The following KCNIP4 variants were observed in gnomAD, a reference collection of about 807,000 sequenced individuals.
KCNIP4 encodes potassium voltage-gated channel interacting protein 4.
In KCNIP4, 12 loss-of-function variants were observed where a neutral mutation model predicts 34.0. That is an observed-to-expected ratio of 0.35 (90% confidence interval 0.23 to 0.57). KCNIP4 has a LOEUF of 0.57. Ranked by LOEUF, KCNIP4 falls within the 20% of genes least tolerant of loss-of-function variation. The pLI is 0.83. For missense variants in KCNIP4, 238 were observed against 311.7 expected (o/e 0.76, Z 1.78); for synonymous variants, 124 against 102.2 (o/e 1.21, Z -1.29).
chr4:21,740,409 C>T (rs1187786320), intron 1 of KCNIP4, among the ~76,000 whole-genome samples: 5 of 151,954 alleles, frequency 3.3e-5, no homozygotes, highest in Admixed American at 2.6e-4. Context: ...CTGTCATCCT[C>T]CCTCCATTTT....
At chr4:20,749,640 A>G in intron 5 of KCNIP4, 22 bp downstream of exon 5, 1 of 1,524,028 alleles carries the variant, frequency 6.6e-7, no homozygotes, top group Non-Finnish European at 9.1e-7. Context: ...GTCAAATGAT[A>G]TGAAAATAAT....
chr4:21,139,191 C>T (rs6448026), intron 1 of KCNIP4, among the ~76,000 whole-genome samples: 82,927 of 152,018 alleles, frequency 0.55, 23,535 homozygotes, highest in African/African-American at 0.7. Flanking sequence ...GAGCAAAAAT[C>T]AGGAAAGTGA....
chr4:21,093,056 T>C (rs960182093), intron 1 of KCNIP4, among the ~76,000 whole-genome samples: 1 of 152,224 alleles, frequency 6.6e-6, no homozygotes, highest in Non-Finnish European at 1.5e-5. Context: ...AAAGACTATA[T>C]GTACATTCTC....
intron 1 of KCNIP4, among the ~76,000 whole-genome samples, chr4:21,433,245 G>A (rs1388203232): frequency 6.6e-6 from 1 of 152,158 alleles, no homozygotes; most frequent in East Asian, 1.9e-4. Context: ...TTATGATTTA[G>A]TGATCAGCCA....
chr4:21,502,164 T>C (rs939686799), intron 1 of KCNIP4, among the ~76,000 whole-genome samples: 1 of 152,088 alleles, frequency 6.6e-6, no homozygotes, highest in Admixed American at 6.6e-5. Flanking sequence ...ATAAAAATTG[T>C]AATATCTTAG....
chr4:20,944,833 T>A (rs1732028081), intron 1 of KCNIP4, among the ~76,000 whole-genome samples: 1 of 150,058 alleles, frequency 6.7e-6, no homozygotes. Flanking sequence ...GCCACCTACA[T>A]CTGGCAAATT....
At position 21,413,307 on chromosome 4, in the gene KCNIP4, C is replaced by T. The variant is rs183645504; in HGVS notation, c.62-530598G>A. Among the ~76,000 whole-genome samples, 21 of 152,232 alleles carry T rather than the reference C, an allele frequency of 1.4e-4. No individual in the cohort carries two copies. In the East Asian group the frequency reaches 2.1e-3, roughly 15 times the overall value. On this transcript the variant is annotated intron_variant, in intron 1 of 8. Coordinates refer to ENST00000382152, the MANE Select transcript of KCNIP4 (RefSeq NM_025221.6). Reference sequence around the variant, plus strand: ...AAAAGGCCAGACTCAGGAAATTCATCGAGAAATGGCCATGGAACTTTGATC... The same window carrying T: ...AAAAGGCCAGACTCAGGAAATTCATTGAGAAATGGCCATGGAACTTTGATC...
Position 21,082,692 on chromosome 4 carries a change from T to C in KCNIP4, c.62-199983A>G, listed in dbSNP as rs1220784308. 2.0e-5 allele frequency among the ~76,000 whole-genome samples: 3 copies of C among 151,740 alleles called. No homozygotes were observed. In the East Asian group the frequency reaches 5.8e-4, roughly 29 times the overall value. On this transcript the variant is annotated intron_variant, in intron 1 of 8. Coordinates refer to ENST00000382152, the MANE Select transcript of KCNIP4 (RefSeq NM_025221.6). ...ATATCAGAAATGATGAGAAATGAGA[T>C]AAGCCAGTAGGACTAATTCAACTAG...
intron 1 of KCNIP4, among the ~76,000 whole-genome samples, chr4:21,780,131 A>G (rs1719484354): frequency 6.6e-6 from 1 of 152,086 alleles, no homozygotes; most frequent in Admixed American, 6.6e-5. Context: ...GAGAGCATAA[A>G]AGTTTTATAA....
intron 1 of KCNIP4, among the ~76,000 whole-genome samples, chr4:21,205,460 C>G (rs1338715483): frequency 1.3e-5 from 2 of 152,118 alleles, no homozygotes; most frequent in African/African-American, 4.8e-5. Context: ...TCCCATTTAT[C>G]TTTCACAACT....
chr4:21,110,778 A>G (rs1193393469), intron 1 of KCNIP4, among the ~76,000 whole-genome samples: 1 of 152,328 alleles, frequency 6.6e-6, no homozygotes, highest in South Asian at 2.1e-4. Context: ...CACAACAAAA[A>G]GTTGGTTGCC....
intron 1 of KCNIP4, among the ~76,000 whole-genome samples, chr4:21,593,139 G>GTC (rs1354374394): frequency 6.6e-6 from 1 of 151,146 alleles, no homozygotes; most frequent in Non-Finnish European, 1.5e-5. Flanking sequence ...GTGTGTGTGT[G>GTC]TGTGTGTTTC....
chr4:21,493,705 G>C (rs917090717), intron 1 of KCNIP4, among the ~76,000 whole-genome samples: 10 of 152,090 alleles, frequency 6.6e-5, no homozygotes, highest in African/African-American at 2.4e-4. Context: ...CACATGAACG[G>C]AGCACAACTT....
chr4:21,809,417 G>A (rs1011865971), intron 1 of KCNIP4, among the ~76,000 whole-genome samples: 4 of 152,168 alleles, frequency 2.6e-5, no homozygotes, highest in African/African-American at 9.7e-5. Flanking sequence ...AGGTTCTCCA[G>A]CTTGCAGATG....
intron 1 of KCNIP4, among the ~76,000 whole-genome samples, chr4:21,291,815 C>A (rs1763483195): frequency 7.0e-6 from 1 of 143,098 alleles, no homozygotes. Flanking sequence ...GATCGCGCCG[C>A]TGCACTCCAG....
chr4:21,263,241 T>C (rs931727188), intron 1 of KCNIP4, among the ~76,000 whole-genome samples: 3 of 152,228 alleles, frequency 2.0e-5, no homozygotes, highest in Non-Finnish European at 2.9e-5. Context: ...CACAATATTT[T>C]ATTAAATCCT....
chr4:21,477,627 T>G (rs1262574379), intron 1 of KCNIP4, among the ~76,000 whole-genome samples: 2 of 152,186 alleles, frequency 1.3e-5, no homozygotes, highest in African/African-American at 4.8e-5. Flanking sequence ...ACTTTTTCAT[T>G]TAAGAGAGCA....
intron 1 of KCNIP4, among the ~76,000 whole-genome samples, chr4:21,751,646 T>C (rs1368264909): frequency 6.6e-6 from 1 of 152,170 alleles, no homozygotes; most frequent in Non-Finnish European, 1.5e-5. Flanking sequence ...AGCAAATGCA[T>C]TGATTCTTTT....
intron 1 of KCNIP4, among the ~76,000 whole-genome samples, chr4:20,895,573 CTTTT>C (rs1252947519): frequency 6.6e-6 from 1 of 152,162 alleles, no homozygotes; most frequent in Non-Finnish European, 1.5e-5. Context: ...TTCCTGAGTT[CTTTT>C]GTGTCACTGT....
Sources: gnomAD v4.1 joint callset for allele counts (sites outside exome capture counted in the v4.1 genomes callset) on GRCh38, gnomAD v4.1.1 for gene constraint, MANE v1.5 for transcripts, NCBI Gene and HGNC (gene_info 2026-07-23, HGNC 2026-07-21) for gene names.